The following ELK3 variants were observed in gnomAD, a reference collection of about 807,000 sequenced individuals.
ELK3 encodes the protein ETS domain-containing protein Elk-3.
Under a neutral mutation model 28.9 loss-of-function variants are expected in ELK3, and 10 were observed. The observed-to-expected ratio is 0.35, with a 90% CI of 0.21 to 0.59. The LOEUF (loss-of-function observed/expected upper bound fraction) is 0.59, where lower values mean the gene tolerates loss of function less well. ELK3 is among the 20% of genes least tolerant of loss of function. The probability of loss-of-function intolerance (pLI) is 0.82; values close to 1 mark genes in which losing one functional copy is unlikely to be tolerated. For missense variants in ELK3, 463 were observed against 517.3 expected (o/e 0.90, Z 1.02); for synonymous variants, 272 against 243.5 (o/e 1.12, Z -1.09).
intron 2 of ELK3, among the ~76,000 whole-genome samples, chr12:96,230,747 G>A (rs1183951725): frequency 6.6e-6 from 1 of 152,204 alleles, no homozygotes; most frequent in Non-Finnish European, 1.5e-5. Flanking sequence ...GCAGTGCTGG[G>A]ATCGGAGGCT....
intron 1 of ELK3, among the ~76,000 whole-genome samples, chr12:96,221,429 T>C (rs1381954492): frequency 6.6e-6 from 1 of 152,214 alleles, no homozygotes; most frequent in Non-Finnish European, 1.5e-5. Context: ...ACCTGGCATG[T>C]GAGCAGAGGC....
At chr12:96,233,429 G>A (rs1951757774) in intron 2 of ELK3, among the ~76,000 whole-genome samples, 1 of 152,176 alleles carries the variant, frequency 6.6e-6, no homozygotes, top group Non-Finnish European at 1.5e-5. Context: ...CGTCTCCACA[G>A]CAACCTCTTG....
At position 96,247,859 on chromosome 12, in the gene ELK3, T is replaced by C. The variant is rs1951871087; in HGVS notation, c.1002+125T>C. 8.3e-7 allele frequency: 1 copy of C among 1,203,222 alleles called. No homozygotes were observed. Among genetic ancestry groups the C allele is most frequent in the Non-Finnish European group, 1.1e-6 (1 of 894,356 alleles). The allele number at this position is 1,203,222 out of a possible 1,614,324, so 74.5% of individuals were successfully genotyped here. A position where few individuals can be genotyped will look rare whatever the true frequency, so the allele number is the denominator to read the frequency against. ...GTCCTATGACTCGTACCGAGGTCAC[T>C]GTGTAAATGTGAAGGGAAGCTGCTT... On this transcript the variant is annotated intron_variant, in intron 3 of 4. Coordinates refer to ENST00000228741, the MANE Select transcript of ELK3 (RefSeq NM_005230.4). The surrounding 1 kb of genome is among the most constrained non-coding windows in gnomAD (Gnocchi z 5.5).
intron 3 of ELK3, among the ~76,000 whole-genome samples, chr12:96,259,304 C>A (rs1277102676): frequency 1.3e-5 from 2 of 152,186 alleles, no homozygotes; most frequent in African/African-American, 4.8e-5. Context: ...GTAATCCCAG[C>A]ACTTTGGGAG....
At chr12:96,232,923 A>G (rs1228719584) in intron 2 of ELK3, among the ~76,000 whole-genome samples, 3 of 152,196 alleles carry the variant, frequency 2.0e-5, no homozygotes, top group Admixed American at 6.5e-5. Flanking sequence ...AGCTCTTACT[A>G]TATGACTGCA....
rs1256919691 is a variant in ELK3 at position 96,267,662 on chromosome 12, T to C, written c.*482T>C. On this transcript the variant is annotated 3_prime_UTR_variant, in exon 5 of 5. Transcript: ENST00000228741. ...AAATTAGTATCAAACAGCTCTCTAG[T>C]AGAATTTCATTATTTTTCACCAGTG... 6.5e-6 allele frequency: 1 copy of C among 152,770 alleles called. No homozygotes were observed. The highest frequency in any genetic ancestry group is 1.5e-5 in the Non-Finnish European group (1 of 68,126). 9.5% of individuals were successfully genotyped at this position (152,770 alleles called of 1,614,324 possible). A position where few individuals can be genotyped will look rare whatever the true frequency, so the allele number is the denominator to read the frequency against.
At chr12:96,254,815 G>A (rs940295468) in intron 3 of ELK3, among the ~76,000 whole-genome samples, 8 of 152,068 alleles carry the variant, frequency 5.3e-5, no homozygotes, top group Admixed American at 3.3e-4. Context: ...CTTCCTGGAG[G>A]GGGTGAGACC....
At chr12:96,258,584 T>C (rs532784626) in intron 3 of ELK3, among the ~76,000 whole-genome samples, 1 of 152,228 alleles carries the variant, frequency 6.6e-6, no homozygotes, top group Non-Finnish European at 1.5e-5. Context: ...AAGCACCTTA[T>C]TGACATCACA....
intron 4 of ELK3, among the ~76,000 whole-genome samples, chr12:96,261,111 G>A (rs1951989776): frequency 6.6e-6 from 1 of 152,174 alleles, no homozygotes; most frequent in South Asian, 2.1e-4. Context: ...GCTTGTCAAG[G>A]TTAATGTCTG....
At chr12:96,230,802 C>T (rs539938105) in intron 2 of ELK3, among the ~76,000 whole-genome samples, 27 of 152,286 alleles carry the variant, frequency 1.8e-4, no homozygotes, top group Admixed American at 7.8e-4. Context: ...TACAGTTGTG[C>T]GGAGTGCACG....
chr12:96,241,627 C>T (rs1013239969), intron 2 of ELK3, among the ~76,000 whole-genome samples: 2 of 152,172 alleles, frequency 1.3e-5, no homozygotes, highest in Non-Finnish European at 1.5e-5. Flanking sequence ...GTCACGAGAT[C>T]CTGTCATGGG....
intron 4 of ELK3, among the ~76,000 whole-genome samples, chr12:96,263,705 A>C (rs766918220): frequency 6.6e-6 from 1 of 152,162 alleles, no homozygotes; most frequent in Non-Finnish European, 1.5e-5. Context: ...AGGAAGGGAC[A>C]GGATTTCGAT....
chr12:96,214,092 C>G (rs1043356926), intron 1 of ELK3, among the ~76,000 whole-genome samples: 1 of 152,016 alleles, frequency 6.6e-6, no homozygotes. Context: ...GCATGTAATC[C>G]CAGCAACCTT....
intron 1 of ELK3, among the ~76,000 whole-genome samples, chr12:96,223,111 C>T (rs1040200354): frequency 6.6e-6 from 1 of 152,192 alleles, no homozygotes; most frequent in Non-Finnish European, 1.5e-5. Context: ...CCACCTCCAA[C>T]GTTGGGGATT....
chr12:96,217,277 A>T (rs944683285), intron 1 of ELK3, among the ~76,000 whole-genome samples: 5 of 152,222 alleles, frequency 3.3e-5, no homozygotes, highest in African/African-American at 1.2e-4. Flanking sequence ...CTTCAGTGAA[A>T]AACTGCATTC....
At chr12:96,204,607 G>A (rs1048022340) in intron 1 of ELK3, among the ~76,000 whole-genome samples, 2 of 152,152 alleles carry the variant, frequency 1.3e-5, no homozygotes, top group Admixed American at 1.3e-4. Context: ...AGCAGCAGCA[G>A]CAACATCAAA....
intron 2 of ELK3, among the ~76,000 whole-genome samples, chr12:96,244,863 C>T (rs938381449): frequency 6.6e-6 from 1 of 152,130 alleles, no homozygotes; most frequent in Admixed American, 6.5e-5. Context: ...TCGGCAGAGA[C>T]GCTGCTAACA....
chr12:96,227,424 T>C (rs1951710180), intron 2 of ELK3, among the ~76,000 whole-genome samples: 1 of 152,208 alleles, frequency 6.6e-6, no homozygotes, highest in African/African-American at 2.4e-5. Context: ...TAATAGGGAA[T>C]TTTTCCCACT....
intron 2 of ELK3, among the ~76,000 whole-genome samples, chr12:96,235,537 A>G (rs1427710915): frequency 3.3e-5 from 5 of 152,282 alleles, no homozygotes; most frequent in African/African-American, 1.2e-4. Context: ...CACCTTGGAA[A>G]GTCACTCAAG....
Sources: gnomAD v4.1 joint callset for allele counts (sites outside exome capture counted in the v4.1 genomes callset) on GRCh38, gnomAD v4.1.1 for gene constraint, Gnocchi (gnomAD v3.1) non-coding constraint, MANE v1.5 for transcripts, NCBI Gene and HGNC (gene_info 2026-07-23, HGNC 2026-07-21) for gene names.